PGBD5: variants seen among roughly 807,000 people sequenced by gnomAD.
The protein encoded by PGBD5 is piggyBac transposable element derived 5.
In PGBD5, 14 loss-of-function variants were observed where a neutral mutation model predicts 47.9. The ratio of observed to expected loss-of-function variants is 0.29; its 90% confidence interval spans 0.19 to 0.46. The LOEUF is 0.46. PGBD5 is among the 20% of genes least tolerant of loss of function. PGBD5 has a pLI of 1.00. For synonymous variants in PGBD5, 316 were observed against 306.3 expected (o/e 1.03, Z -0.33); for missense variants, 635 against 716.0 (o/e 0.89, Z 1.29).
intron 1 of PGBD5, among the ~76,000 whole-genome samples, chr1:230,386,552 C>T (rs1191452241): frequency 6.6e-6 from 1 of 152,138 alleles, no homozygotes; most frequent in African/African-American, 2.4e-5. Flanking sequence ...CACGCAAATC[C>T]TAGCAGTTGT....
chr1:230,412,562 G>A (rs1657434231), intron 1 of PGBD5, among the ~76,000 whole-genome samples: 1 of 151,864 alleles, frequency 6.6e-6, no homozygotes. Context: ...CTAATTTTTT[G>A]TATTTTTAAT....
intron 1 of PGBD5, among the ~76,000 whole-genome samples, chr1:230,417,107 A>C (rs1399819696): frequency 6.6e-6 from 1 of 152,192 alleles, no homozygotes; most frequent in Non-Finnish European, 1.5e-5. Context: ...GCAACTCACA[A>C]ATGAGGGGAA....
chr1:230,408,782 A>G lies in PGBD5; in HGVS notation c.331+16816T>C, dbSNP rs528193448. On this transcript the variant is annotated intron_variant, in intron 1 of 6. Transcript: ENST00000391860. The stretch of plus-strand genomic sequence containing the variant: ...AGAAGAAAGCATAGGGTTAAATCTC[A>G]GTGATTTCAAACTTGTCAGTGGTTT... 3.9e-5 allele frequency among the ~76,000 whole-genome samples: 6 copies of G among 152,328 alleles called. No homozygotes were observed. The East Asian group carries it at 1.2e-3, about 29-fold the overall frequency.
At chr1:230,383,608 C>T (rs562417203) in intron 1 of PGBD5, among the ~76,000 whole-genome samples, 20 of 152,224 alleles carry the variant, frequency 1.3e-4, no homozygotes, top group African/African-American at 4.3e-4. Flanking sequence ...CTGGCTCAAG[C>T]GATCCTCCCA....
intron 2 of PGBD5, among the ~76,000 whole-genome samples, chr1:230,354,702 C>T (rs528523337): frequency 1.3e-5 from 2 of 152,244 alleles, no homozygotes; most frequent in East Asian, 1.9e-4. Context: ...TCTCTGCTCC[C>T]TTCGGGTCTC....
At chr1:230,411,968 A>C (rs1657419147) in intron 1 of PGBD5, among the ~76,000 whole-genome samples, 2 of 152,242 alleles carry the variant, frequency 1.3e-5, no homozygotes, top group Admixed American at 6.5e-5. Context: ...TATATAAAAC[A>C]AACCCGTATT....
At chr1:230,353,499 C>T (rs948563530) in intron 2 of PGBD5, among the ~76,000 whole-genome samples, 1 of 152,142 alleles carries the variant, frequency 6.6e-6, no homozygotes, top group African/African-American at 2.4e-5. Context: ...TAAGACCAAA[C>T]TCGTACCAAA....
At chr1:230,385,366 G>A (rs969845609) in intron 1 of PGBD5, among the ~76,000 whole-genome samples, 1 of 152,190 alleles carries the variant, frequency 6.6e-6, no homozygotes, top group Non-Finnish European at 1.5e-5. Context: ...CAGACCCACA[G>A]CTTTTACGTG....
intron 4 of PGBD5, among the ~76,000 whole-genome samples, chr1:230,335,028 G>GAC (rs113524416): frequency 6.3e-5 from 9 of 142,074 alleles, no homozygotes; most frequent in African/African-American, 2.3e-4. Flanking sequence ...ACTCGACACA[G>GAC]ACACACACAC....
rs183750112 is a variant in PGBD5 at position 230,382,202 on chromosome 1, G to A, written c.332-24881C>T. ...CGGACATGCTCAGAGACAGCCCTGA[G>A]TGTCTCGCTGCAGAATCGCCTGTGG... On this transcript the variant is annotated intron_variant, in intron 1 of 6. Coordinates refer to ENST00000391860, the MANE Select transcript of PGBD5 (RefSeq NM_001258311.2). 2.0e-5 allele frequency among the ~76,000 whole-genome samples: 3 copies of A among 152,346 alleles called. No homozygotes were observed. The East Asian group carries it at 5.8e-4, about 29-fold the overall frequency.
intron 1 of PGBD5, among the ~76,000 whole-genome samples, chr1:230,389,097 T>C (rs1424681578): frequency 1.3e-5 from 2 of 152,190 alleles, no homozygotes; most frequent in African/African-American, 2.4e-5. Flanking sequence ...AACTGACCAT[T>C]TGACAAGGCT....
intron 1 of PGBD5, among the ~76,000 whole-genome samples, chr1:230,382,616 G>T (rs890043456): frequency 6.6e-6 from 1 of 152,172 alleles, no homozygotes; most frequent in Non-Finnish European, 1.5e-5. Flanking sequence ...TCTGAAACCA[G>T]GGCAATCCTA....
chr1:230,404,629 AATAT>A (rs1231804089), intron 1 of PGBD5, among the ~76,000 whole-genome samples: 1,176 of 108,426 alleles, frequency 0.011, 7 homozygotes, highest in Non-Finnish European at 0.016. Context: ...AAAAAAAAAA[AATAT>A]ATATATATAT....
intron 1 of PGBD5, among the ~76,000 whole-genome samples, chr1:230,366,038 C>T (rs1319912596): frequency 6.6e-6 from 1 of 152,232 alleles, no homozygotes; most frequent in Non-Finnish European, 1.5e-5. Context: ...AATGAATGAA[C>T]TCCTGCCAAC....
chr1:230,357,568 C>G lies in PGBD5; in HGVS notation c.332-247G>C, dbSNP rs1254285723. ...TCCTGCTGTGTGTGTGGGAGCGCAG[C>G]TCCTCCCAGACACCACAGGAACAAA... On this transcript the variant is annotated intron_variant, in intron 1 of 6. Transcript: ENST00000391860. The surrounding 1 kb of genome is among the most constrained non-coding windows in gnomAD (Gnocchi z 5.7). Among the ~76,000 whole-genome samples the G allele has an allele frequency of 6.6e-6, 1 of 152,206 alleles. No individual in the cohort carries two copies. Among genetic ancestry groups the G allele is most frequent in the African/African-American group, 2.4e-5 (1 of 41,440 alleles).
At chr1:230,341,833 T>C (rs983219202) in intron 3 of PGBD5, among the ~76,000 whole-genome samples, 1 of 152,230 alleles carries the variant, frequency 6.6e-6, no homozygotes, top group African/African-American at 2.4e-5. Context: ...CAGGAAAATG[T>C]ACCATTTGGT....
In PGBD5 at chr1:230,319,573, G is replaced by C. The variant is rs1415549342; in HGVS notation, c.*3852C>G. On this transcript the variant is annotated 3_prime_UTR_variant, in exon 7 of 7. Coordinates refer to ENST00000391860, the MANE Select transcript of PGBD5 (RefSeq NM_001258311.2). ...CTCACTGTTGGGGGGGCTGAGCCTGGGTCCCTGGGGAGGATGGTGACACAC... is the reference window on the plus strand; with the variant it reads ...CTCACTGTTGGGGGGGCTGAGCCTGCGTCCCTGGGGAGGATGGTGACACAC... The C allele has an allele frequency of 1.3e-5, 2 of 152,142 alleles. No individual in the cohort carries two copies. The highest frequency in any genetic ancestry group is 2.1e-4 in the South Asian group (1 of 4,822). The allele number at this position is 152,142 out of a possible 1,614,324, so 9.4% of individuals were successfully genotyped here.
chr1:230,341,299 C>G (rs1347031351), intron 3 of PGBD5, among the ~76,000 whole-genome samples: 2 of 152,138 alleles, frequency 1.3e-5, no homozygotes, highest in Non-Finnish European at 2.9e-5. Context: ...ACTGCTTGGT[C>G]TGATGGCCAG....
rs567885006 is a variant in PGBD5, at chr1:230,357,822, C to T, written c.332-501G>A. Among the ~76,000 whole-genome samples, 3 of 152,264 alleles carry T rather than the reference C, an allele frequency of 2.0e-5. No individual in the cohort carries two copies. In the East Asian group the frequency reaches 5.8e-4, roughly 29 times the overall value. ...AATATATATATCATATAAATGTATA[C>T]ATCAACATGTAAGTTTTAAAATTAA... On this transcript the variant is annotated intron_variant, in intron 1 of 6. Transcript: ENST00000391860. This position sits in a 1 kb window ranked among gnomAD's most constrained non-coding sequence, Gnocchi z 5.7.
Sources: gnomAD v4.1 joint callset for allele counts (sites outside exome capture counted in the v4.1 genomes callset) on GRCh38, gnomAD v4.1.1 for gene constraint, Gnocchi (gnomAD v3.1) non-coding constraint, MANE v1.5 for transcripts, NCBI Gene and HGNC (gene_info 2026-07-23, HGNC 2026-07-21) for gene names.